Variants in LSAMP observed in about 807,000 individuals in gnomAD.
The protein encoded by LSAMP is limbic system-associated membrane protein.
LSAMP carries 7 observed loss-of-function variants against 38.6 expected under a neutral mutation model. The observed-to-expected ratio is 0.18, with a 90% confidence interval of 0.10 to 0.34. The LOEUF (loss-of-function observed/expected upper bound fraction) is 0.34. LSAMP is among the 10% of genes least tolerant of loss of function. The probability of loss-of-function intolerance (pLI) is 1.00; values close to 1 mark genes in which losing one functional copy is unlikely to be tolerated. For missense variants in LSAMP, 313 were observed against 420.0 expected, an observed-to-expected ratio of 0.75 and a Z score of 2.23; for synonymous variants, 154 against 166.8, an observed-to-expected ratio of 0.92 and a Z score of 0.59.
chr3:116,312,775 A>C (rs2047574337), intron 1 of LSAMP, among the ~76,000 whole-genome samples: 1 of 152,296 alleles, frequency 6.6e-6, no homozygotes, highest in East Asian at 1.9e-4. Flanking sequence ...GTATGCAATG[A>C]AAACAAGAGA....
intron 6 of LSAMP, among the ~76,000 whole-genome samples, chr3:115,823,120 TA>T (rs1934299188): frequency 6.6e-6 from 1 of 152,240 alleles, no homozygotes; most frequent in Non-Finnish European, 1.5e-5. Flanking sequence ...GTCATTGGAT[TA>T]AAAAGAACAC....
intron 3 of LSAMP, among the ~76,000 whole-genome samples, chr3:115,947,875 G>C (rs1304241830): frequency 6.6e-6 from 1 of 152,060 alleles, no homozygotes; most frequent in Non-Finnish European, 1.5e-5. Flanking sequence ...AGCTTCCTTA[G>C]GCACCTCCAA....
At chr3:116,055,317 T>C (rs531798417) in intron 2 of LSAMP, among the ~76,000 whole-genome samples, 2 of 152,210 alleles carry the variant, frequency 1.3e-5, no homozygotes, top group Non-Finnish European at 2.9e-5. Context: ...ACATGCCACC[T>C]GAAGCCAAAA....
At chr3:116,134,791 G>GC (rs1483707570) in intron 1 of LSAMP, among the ~76,000 whole-genome samples, 1 of 152,104 alleles carries the variant, frequency 6.6e-6, no homozygotes, top group Non-Finnish European at 1.5e-5. Flanking sequence ...AGATCCATGA[G>GC]CAGAGAACTT....
intron 3 of LSAMP, among the ~76,000 whole-genome samples, chr3:116,017,807 C>T (rs1254359686): frequency 1.3e-5 from 2 of 152,114 alleles, no homozygotes; most frequent in African/African-American, 4.8e-5. Flanking sequence ...AAACAATTAA[C>T]AATCTCTCAA....
chr3:116,397,557 T>C (rs1362817157), intron 1 of LSAMP, among the ~76,000 whole-genome samples: 4 of 152,142 alleles, frequency 2.6e-5, no homozygotes, highest in African/African-American at 7.2e-5. Flanking sequence ...AGGACTGAAA[T>C]TTCTGTGTGT....
At chr3:115,953,338 C>G (rs1938351894) in intron 3 of LSAMP, among the ~76,000 whole-genome samples, 1 of 149,244 alleles carries the variant, frequency 6.7e-6, no homozygotes, top group African/African-American at 2.5e-5. Context: ...AGAATCAGAC[C>G]AATGTTAGTT....
chr3:115,974,189 C>A (rs1559903907), intron 3 of LSAMP, among the ~76,000 whole-genome samples: 1 of 151,572 alleles, frequency 6.6e-6, no homozygotes, highest in Non-Finnish European at 1.5e-5. Flanking sequence ...ACTAAAAATA[C>A]AAAAATTAGC....
chr3:116,241,297 GC>G (rs1404170076), intron 1 of LSAMP, among the ~76,000 whole-genome samples: 1 of 151,866 alleles, frequency 6.6e-6, no homozygotes, highest in East Asian at 1.9e-4. Context: ...GGGCGCAGTG[GC>G]TCATGCCTGT....
At chr3:115,958,511 G>A (rs763950650) in intron 3 of LSAMP, among the ~76,000 whole-genome samples, 3 of 152,108 alleles carry the variant, frequency 2.0e-5, no homozygotes, top group Non-Finnish European at 4.4e-5. Context: ...TAAATCCTGT[G>A]TGAGAAATGA....
At chr3:116,011,826 T>C (rs138425708) in intron 3 of LSAMP, among the ~76,000 whole-genome samples, 76 of 152,332 alleles carry the variant, frequency 5.0e-4, no homozygotes, top group African/African-American at 1.7e-3. Flanking sequence ...TTTTATTTCC[T>C]TCCCTGAACA....
intron 3 of LSAMP, among the ~76,000 whole-genome samples, chr3:115,996,033 T>C (rs1939806185): frequency 6.6e-6 from 1 of 151,966 alleles, no homozygotes; most frequent in African/African-American, 2.4e-5. Flanking sequence ...GAATATATTT[T>C]AAATATATAC....
At chr3:115,885,221 G>A (rs770074132) in intron 3 of LSAMP, among the ~76,000 whole-genome samples, 13 of 151,940 alleles carry the variant, frequency 8.6e-5, no homozygotes, top group African/African-American at 1.9e-4. Flanking sequence ...CAGAATTTGC[G>A]TTTGTCTGTT....
At chr3:115,874,733 ACT>A (rs1936137979) in intron 3 of LSAMP, among the ~76,000 whole-genome samples, 1 of 152,044 alleles carries the variant, frequency 6.6e-6, no homozygotes, top group Non-Finnish European at 1.5e-5. Context: ...CTAAGTTATA[ACT>A]CTATTCAGTG....
At chr3:116,253,527 A>G (rs2046712157) in intron 1 of LSAMP, among the ~76,000 whole-genome samples, 1 of 152,196 alleles carries the variant, frequency 6.6e-6, no homozygotes, top group South Asian at 2.1e-4. Flanking sequence ...ATAAGACTAC[A>G]GAGGCAACAG....
chr3:116,357,997 A>T (rs2107774535), intron 1 of LSAMP, among the ~76,000 whole-genome samples: 1 of 151,996 alleles, frequency 6.6e-6, no homozygotes, highest in East Asian at 1.9e-4. Flanking sequence ...GGAGGCAGAA[A>T]CTCATGAAGA....
At chr3:115,956,222 G>A (rs1425799373) in intron 3 of LSAMP, among the ~76,000 whole-genome samples, 1 of 151,492 alleles carries the variant, frequency 6.6e-6, no homozygotes, top group East Asian at 1.9e-4. Flanking sequence ...AAGCACTAGG[G>A]TATCTGAGGT....
chr3:116,423,142 T>C (rs146073582), intron 1 of LSAMP, among the ~76,000 whole-genome samples: 25 of 152,274 alleles, frequency 1.6e-4, no homozygotes, highest in African/African-American at 4.8e-5. Flanking sequence ...GCTGAGTAAA[T>C]AGATGAGCTA....
intron 6 of LSAMP, among the ~76,000 whole-genome samples, chr3:115,811,186 C>T (rs1021035294): frequency 2.0e-5 from 3 of 152,100 alleles, no homozygotes; most frequent in Admixed American, 6.5e-5. Context: ...AATGGCCATC[C>T]GTGTTTCCTG....
Sources: gnomAD v4.1 joint callset for allele counts (sites outside exome capture counted in the v4.1 genomes callset) on GRCh38, gnomAD v4.1.1 for gene constraint, MANE v1.5 for transcripts, NCBI Gene and HGNC (gene_info 2026-07-23, HGNC 2026-07-21) for gene names.